The following KLHL1 variants were observed in gnomAD, a reference collection of about 807,000 sequenced individuals.
KLHL1 encodes the protein kelch like family member 1.
KLHL1 carries 47 observed loss-of-function variants against 77.7 expected under a neutral mutation model. The ratio of observed to expected loss-of-function variants is 0.60; its 90% CI spans 0.48 to 0.77. The LOEUF is 0.77. Ranked by LOEUF, KLHL1 falls within the 30% of genes least tolerant of loss-of-function variation. The probability of loss-of-function intolerance (pLI) is 0.00; values close to 1 mark genes in which losing one functional copy is unlikely to be tolerated. For missense variants in KLHL1, 925 were observed against 910.8 expected (o/e 1.02, Z -0.20); for synonymous variants, 360 against 325.2 (o/e 1.11, Z -1.15).
intron 1 of KLHL1, among the ~76,000 whole-genome samples, chr13:70,070,016 A>C (rs1303960163): frequency 6.6e-6 from 1 of 151,800 alleles, no homozygotes; most frequent in East Asian, 1.9e-4. Context: ...AAAACACAAA[A>C]AATTAGCTGG....
intron 4 of KLHL1, among the ~76,000 whole-genome samples, chr13:69,922,664 T>A (rs1450167100): frequency 6.6e-6 from 1 of 152,020 alleles, no homozygotes; most frequent in Non-Finnish European, 1.5e-5. Flanking sequence ...CAAGCAAAAT[T>A]AAAAAAACAT....
chr13:69,895,490 G>A (rs1881600515), intron 4 of KLHL1, among the ~76,000 whole-genome samples: 1 of 152,178 alleles, frequency 6.6e-6, no homozygotes, highest in Admixed American at 6.5e-5. Flanking sequence ...TAAACGGGTT[G>A]ATTTGTATAT....
At chr13:69,724,551 A>G (rs897401486) in intron 8 of KLHL1, among the ~76,000 whole-genome samples, 40 of 152,250 alleles carry the variant, frequency 2.6e-4, no homozygotes, top group Non-Finnish European at 8.8e-5. Flanking sequence ...AAAACAAACA[A>G]ACAAACAAAA....
chr13:69,785,047 G>A (rs1277891953), intron 7 of KLHL1, among the ~76,000 whole-genome samples: 8 of 151,264 alleles, frequency 5.3e-5, no homozygotes, highest in African/African-American at 1.2e-4. Flanking sequence ...CCGCCACTAC[G>A]CCCGGCTAAT....
At chr13:69,875,999 T>C (rs376949302) in intron 5 of KLHL1, among the ~76,000 whole-genome samples, 22 of 152,180 alleles carry the variant, frequency 1.4e-4, no homozygotes, top group African/African-American at 4.6e-4. Context: ...TGTTAATGGA[T>C]TGTGTTAGTG....
chr13:69,857,790 A>G (rs1192007127), intron 5 of KLHL1, among the ~76,000 whole-genome samples: 1 of 151,890 alleles, frequency 6.6e-6, no homozygotes, highest in Non-Finnish European at 1.5e-5. Flanking sequence ...CTTGGCTAGG[A>G]AAGAACATTA....
intron 4 of KLHL1, among the ~76,000 whole-genome samples, chr13:69,919,810 AAAAAT>A (rs1369628239): frequency 6.6e-6 from 1 of 152,166 alleles, no homozygotes; most frequent in Non-Finnish European, 1.5e-5. Context: ...GCAAAAAGTA[AAAAAT>A]AAAAATAAAA....
chr13:70,094,047 T>C (rs1028105106), intron 1 of KLHL1, among the ~76,000 whole-genome samples: 27 of 152,176 alleles, frequency 1.8e-4, no homozygotes, highest in African/African-American at 6.5e-4. Context: ...AAAACTAAGA[T>C]TGCTTTAACT....
At chr13:70,107,080 G>A (rs1199028282) in intron 1 of KLHL1, 123 bp downstream of exon 1, 31 of 1,392,810 alleles carry the variant, frequency 2.2e-5, no homozygotes, top group Non-Finnish European at 2.8e-5. Flanking sequence ...CAAAACCAGG[G>A]TGGCATCTCT....
rs548325484 is a variant in KLHL1 at position 69,850,820 on chromosome 13, G to T, written c.1228-11658C>A. ...AGGCTCATTTGTCACTGTGCCTCCAGATCAACCTTCTACATTGTCAAGGCT... is the reference window on the plus strand; with the variant it reads ...AGGCTCATTTGTCACTGTGCCTCCATATCAACCTTCTACATTGTCAAGGCT... On this transcript the variant is annotated intron_variant, in intron 5 of 10. Coordinates refer to ENST00000377844, the MANE Select transcript of KLHL1 (RefSeq NM_020866.3). 2.5e-3 allele frequency among the ~76,000 whole-genome samples: 382 copies of T among 151,738 alleles called. 3 individuals carry two copies. The highest frequency in any genetic ancestry group is 4.5e-3 in the Non-Finnish European group (303 of 67,740).
intron 1 of KLHL1, among the ~76,000 whole-genome samples, chr13:69,997,682 T>C (rs143555811): frequency 6.8e-6 from 1 of 146,166 alleles, no homozygotes. Context: ...ATAATATTAC[T>C]TATATATATA....
Position 69,719,448 on chromosome 13 carries a change from C to T in KLHL1, c.1936G>A (p.Asp646Asn). 6.2e-7 allele frequency: 1 copy of T among 1,613,612 alleles called. No individual in the cohort carries two copies. Among genetic ancestry groups the T allele is most frequent in the South Asian group, 1.1e-5 (1 of 91,070 alleles). ...RRGGVGVATC[D>N]GFLYAVGGHD... ...CCTCCTACTGCATAAAGAAAACCGT[C>T]ACATGTGGCCACTCCGACACCCCCT... is the stretch of plus-strand genomic sequence containing the variant. The change falls in exon 9 of 11, where the codon GAC (aspartate) becomes AAC (asparagine). Residue 646 changes from aspartate to asparagine, a missense_variant. Asp to Asn is a conservative substitution (Grantham distance 23). Transcript: ENST00000377844.
intron 9 of KLHL1, among the ~76,000 whole-genome samples, chr13:69,715,135 C>A (rs553423299): frequency 6.6e-6 from 1 of 152,130 alleles, no homozygotes; most frequent in African/African-American, 2.4e-5. Flanking sequence ...TATCAGCTAA[C>A]GATTGCTGCA....
At chr13:69,769,537 G>A (rs527629773) in intron 7 of KLHL1, among the ~76,000 whole-genome samples, 3 of 152,054 alleles carry the variant, frequency 2.0e-5, no homozygotes, top group South Asian at 4.2e-4. Context: ...TCTGTGACTG[G>A]AGTGAGAACA....
At chr13:69,955,228 T>A (rs995344642) in intron 3 of KLHL1, among the ~76,000 whole-genome samples, 3 of 151,524 alleles carry the variant, frequency 2.0e-5, no homozygotes, top group Admixed American at 1.3e-4. Context: ...TCCAGGCTGA[T>A]ATACACTTTT....
Position 69,810,148 on chromosome 13 carries a change from C to T in KLHL1, c.1415-13186G>A, listed in dbSNP as rs58430275. On this transcript the variant is annotated intron_variant, in intron 6 of 10. Coordinates refer to ENST00000377844, the MANE Select transcript of KLHL1 (RefSeq NM_020866.3). ...ACAGATTGTTGAGGCAGAAAACTAA[C>T]GAAGAAATTCTGGACTTAAATTCAG... Among the ~76,000 whole-genome samples the T allele has an allele frequency of 9.5e-3, 1,447 of 152,182 alleles. 23 individuals are homozygous for T. Among genetic ancestry groups the T allele is most frequent in the African/African-American group, 0.033 (1,358 of 41,552 alleles).
intron 5 of KLHL1, among the ~76,000 whole-genome samples, chr13:69,877,538 T>A (rs1880814596): frequency 6.6e-6 from 1 of 152,054 alleles, no homozygotes; most frequent in African/African-American, 2.4e-5. Flanking sequence ...CTGCTGAAAT[T>A]GTGAAGCCTC....
chr13:69,838,028 A>G (rs1879096981), intron 6 of KLHL1, among the ~76,000 whole-genome samples: 1 of 151,736 alleles, frequency 6.6e-6, no homozygotes, highest in Non-Finnish European at 1.5e-5. Context: ...AAAATAAACT[A>G]TGAAAACCAT....
chr13:69,995,288 G>A (rs183840808), intron 1 of KLHL1, among the ~76,000 whole-genome samples: 8 of 152,136 alleles, frequency 5.3e-5, no homozygotes, highest in East Asian at 1.9e-4. Context: ...GTTGATTTAC[G>A]TGTGTATATA....
Sources: gnomAD v4.1 joint callset for allele counts (sites outside exome capture counted in the v4.1 genomes callset) on GRCh38, gnomAD v4.1.1 for gene constraint, MANE v1.5 for transcripts, NCBI Gene and HGNC (gene_info 2026-07-23, HGNC 2026-07-21) for gene names.